ARMC9: variants seen among roughly 807,000 people sequenced by gnomAD.
ARMC9 encodes the protein lisH domain-containing protein ARMC9.
A neutral mutation model predicts 107.0 loss-of-function variants in ARMC9; 94 were observed. The ratio of observed to expected loss-of-function variants is 0.88; its 90% CI spans 0.74 to 1.04. The LOEUF is 1.04. ARMC9 is among the 50% of genes least tolerant of loss of function. The pLI is 0.00. For missense variants in ARMC9, 942 were observed against 1,030.1 expected, an observed-to-expected ratio of 0.91 and a Z score of 1.17; for synonymous variants, 380 against 396.9, an observed-to-expected ratio of 0.96 and a Z score of 0.51.
chr2:231,245,746 TC>T (rs2125383484), intron 9 of ARMC9, among the ~76,000 whole-genome samples: 1 of 152,340 alleles, frequency 6.6e-6, no homozygotes, highest in African/African-American at 2.4e-5. Context: ...TTTTCTGTTT[TC>T]TGCTGTTTGT....
intron 19 of ARMC9, among the ~76,000 whole-genome samples, 171 bp downstream of exon 19, chr2:231,296,424 G>C (rs1245805337): frequency 6.6e-6 from 1 of 152,194 alleles, no homozygotes; most frequent in East Asian, 1.9e-4. Context: ...GTCTCACTTG[G>C]GGTCTCATGT....
chr2:231,322,193 G>A (rs376380935), intron 19 of ARMC9, among the ~76,000 whole-genome samples: 2 of 152,368 alleles, frequency 1.3e-5, no homozygotes, highest in East Asian at 3.9e-4. Context: ...TCCCGGACGT[G>A]CTTCCATCTG....
chr2:231,223,860 T>G (rs1360037267), intron 6 of ARMC9, among the ~76,000 whole-genome samples: 1 of 152,236 alleles, frequency 6.6e-6, no homozygotes, highest in South Asian at 2.1e-4. Context: ...CATACCACGA[T>G]GTTTGCATAT....
chr2:231,349,453 G>A (rs866435031), intron 21 of ARMC9, among the ~76,000 whole-genome samples: 1 of 152,056 alleles, frequency 6.6e-6, no homozygotes. Context: ...GTGGTGGCTA[G>A]GGGAGTTGGA....
chr2:231,330,530 C>G (rs2043657799), intron 19 of ARMC9, among the ~76,000 whole-genome samples: 1 of 152,144 alleles, frequency 6.6e-6, no homozygotes, highest in African/African-American at 2.4e-5. Flanking sequence ...AGTCTGGGCT[C>G]CCACCTGGTC....
At chr2:231,351,831 CA>C (rs887668725) in intron 21 of ARMC9, among the ~76,000 whole-genome samples, 4 of 151,310 alleles carry the variant, frequency 2.6e-5, no homozygotes, top group Non-Finnish European at 4.4e-5. Context: ...GTAACTAAAA[CA>C]AAAAAAAATT....
At position 231,285,045 on chromosome 2, in the gene ARMC9, A is replaced by G. The variant is rs1458591556; in HGVS notation, c.1626+2912A>G. ...AAACCCCGTCTCTACTAAAAATACA[A>G]AAATTAGCCGCGTGTGGTGGCACGT... is the stretch of plus-strand genomic sequence containing the variant. On this transcript the variant is annotated intron_variant, in intron 17 of 24. Coordinates refer to ENST00000611582, the MANE Select transcript of ARMC9 (RefSeq NM_001352754.2). Among the ~76,000 whole-genome samples the G allele has an allele frequency of 2.0e-5, 3 of 152,004 alleles. No individual in the cohort carries two copies. In the East Asian group the frequency reaches 5.8e-4, roughly 29 times the overall value.
chr2:231,292,441 T>C (rs910307143), intron 18 of ARMC9, among the ~76,000 whole-genome samples: 10 of 152,142 alleles, frequency 6.6e-5, no homozygotes, highest in Non-Finnish European at 1.3e-4. Flanking sequence ...CCCACTTTTA[T>C]TCATTCACTG....
intron 9 of ARMC9, among the ~76,000 whole-genome samples, chr2:231,251,086 C>T (rs1203421559): frequency 6.6e-6 from 1 of 152,094 alleles, no homozygotes; most frequent in Non-Finnish European, 1.5e-5. Flanking sequence ...AAGGTAGCAG[C>T]TGTGGGATGG....
intron 1 of ARMC9, among the ~76,000 whole-genome samples, chr2:231,203,849 A>G (rs1290194323): frequency 6.6e-6 from 1 of 152,060 alleles, no homozygotes; most frequent in African/African-American, 2.4e-5. Flanking sequence ...AATCCCAGCT[A>G]CTCGGGAGGC....
rs115461024 is a variant in ARMC9 at position 231,204,567 on chromosome 2, C to T, written c.-41-1631C>T. ...TCATGTCTGGAATCAATTTCCACTC[C>T]GTCCATGTTTTTGAGCCTGTACTGT... On this transcript the variant is annotated intron_variant, in intron 1 of 24. Transcript: ENST00000611582. Among the ~76,000 whole-genome samples the T allele has an allele frequency of 3.2e-3, 489 of 152,184 alleles. 2 individuals are homozygous for T. Among genetic ancestry groups the T allele is most frequent in the African/African-American group, 0.011 (470 of 41,524 alleles).
intron 24 of ARMC9, chr2:231,370,994 T>C: frequency 4.5e-6 from 2 of 447,738 alleles, no homozygotes; most frequent in Non-Finnish European, 8.9e-6. Flanking sequence ...GTGGGGGTAA[T>C]GGCCATGGCT....
At chr2:231,271,516 A>G (rs986017488) in intron 13 of ARMC9, among the ~76,000 whole-genome samples, 2 of 152,252 alleles carry the variant, frequency 1.3e-5, no homozygotes, top group Non-Finnish European at 2.9e-5. Context: ...AAAGGATTTG[A>G]AAACTCTGAA....
At chr2:231,346,530 A>T (rs569224122) in intron 21 of ARMC9, among the ~76,000 whole-genome samples, 1 of 152,282 alleles carries the variant, frequency 6.6e-6, no homozygotes, top group East Asian at 1.9e-4. Flanking sequence ...CAAAAAATAT[A>T]AAAAAAGAAT....
At chr2:231,296,307 C>A in intron 19 of ARMC9, 54 bp downstream of exon 19, 2 of 1,413,564 alleles carry the variant, frequency 1.4e-6, no homozygotes, top group South Asian at 2.4e-5. Context: ...ACTATTCTCT[C>A]TTTCCTGCCT....
intron 19 of ARMC9, among the ~76,000 whole-genome samples, chr2:231,329,588 T>G (rs531200789): frequency 2.0e-5 from 3 of 151,416 alleles, no homozygotes; most frequent in African/African-American, 7.3e-5. Flanking sequence ...AGATTACAGG[T>G]GTGAGCCACC....
chr2:231,360,937 G>T lies in ARMC9; in HGVS notation c.2261+54G>T, dbSNP rs2045549117. The T allele has an allele frequency of 6.8e-7, 1 of 1,465,972 alleles. No individual in the cohort carries two copies. Among genetic ancestry groups the T allele is most frequent in the South Asian group, 1.4e-5 (1 of 71,104 alleles). The allele number at this position is 1,465,972 out of a possible 1,614,324, so 90.8% of individuals were successfully genotyped here. On this transcript the variant is annotated intron_variant, in intron 23 of 24. Coordinates refer to ENST00000611582, the MANE Select transcript of ARMC9 (RefSeq NM_001352754.2). The surrounding 1 kb of genome is among the most constrained non-coding windows in gnomAD (Gnocchi z 4.7). ...CTGACTCTCGGAGCTCTGGGAGTGG[G>T]CGCCCCACGCCGGATGCAGAGCACC...
At chr2:231,269,447 A>G (rs959442176) in intron 12 of ARMC9, among the ~76,000 whole-genome samples, 4 of 127,140 alleles carry the variant, frequency 3.1e-5, no homozygotes, top group Middle Eastern at 5.4e-3. Flanking sequence ...CTGCCCTGGC[A>G]TGATCTCAGC....
At chr2:231,311,464 G>A (rs900675303) in intron 19 of ARMC9, among the ~76,000 whole-genome samples, 11 of 152,080 alleles carry the variant, frequency 7.2e-5, no homozygotes, top group Admixed American at 3.9e-4. Context: ...CATGTGCCCC[G>A]TATAGAACAC....
Sources: gnomAD v4.1 joint callset for allele counts (sites outside exome capture counted in the v4.1 genomes callset) on GRCh38, gnomAD v4.1.1 for gene constraint, Gnocchi (gnomAD v3.1) non-coding constraint, MANE v1.5 for transcripts, NCBI Gene and HGNC (gene_info 2026-07-23, HGNC 2026-07-21) for gene names.